DPP6: variants seen among roughly 807,000 people sequenced by gnomAD.
The protein encoded by DPP6 is A-type potassium channel modulatory protein DPP6.
A neutral mutation model predicts 122.6 loss-of-function variants in DPP6; 69 were observed. The ratio of observed to expected loss-of-function variants is 0.56; its 90% confidence interval spans 0.46 to 0.69. The LOEUF is 0.69. Among genes scored for constraint, DPP6 ranks in the 30% least tolerant of loss-of-function variants. DPP6 has a pLI of 0.00. For missense variants in DPP6, 928 were observed against 1,116.9 expected, an observed-to-expected ratio of 0.83 and a Z score of 2.41; for synonymous variants, 418 against 433.1, an observed-to-expected ratio of 0.97 and a Z score of 0.43.
intron 1 of DPP6, among the ~76,000 whole-genome samples, chr7:154,397,054 A>G (rs1019792816): frequency 2.0e-5 from 3 of 151,990 alleles, no homozygotes; most frequent in African/African-American, 7.2e-5. Context: ...CTAATGAAAT[A>G]GATTATTTTA....
At chr7:153,962,806 C>G (rs911131781) in intron 1 of DPP6, among the ~76,000 whole-genome samples, 15 of 152,210 alleles carry the variant, frequency 9.9e-5, no homozygotes, top group African/African-American at 3.1e-4. Flanking sequence ...CACAAATACT[C>G]TACATTTTAG....
intron 18 of DPP6, among the ~76,000 whole-genome samples, chr7:154,869,462 G>A (rs2140895): frequency 0.077 from 11,727 of 152,294 alleles, 1,476 homozygotes; most frequent in African/African-American, 0.26. Flanking sequence ...GAATGCTCAC[G>A]GAACGTGGGA....
At chr7:153,976,606 GTGAAAGTCAAAGATCTGATGT>G (rs1796318287) in intron 1 of DPP6, among the ~76,000 whole-genome samples, 2 of 152,244 alleles carry the variant, frequency 1.3e-5, no homozygotes, top group African/African-American at 2.4e-5. Flanking sequence ...TAGTGTTATA[GTGAAAGTCAAAGATCTGATGT>G]TGAATCAGGT....
intron 1 of DPP6, among the ~76,000 whole-genome samples, chr7:154,085,546 G>C (rs1314629111): frequency 1.3e-5 from 2 of 152,140 alleles, no homozygotes; most frequent in Admixed American, 6.5e-5. Flanking sequence ...TAAGTTCTTT[G>C]TTGTACTCCT....
rs569269498 is a variant in DPP6, at chr7:154,514,181, C to T, written c.458-26351C>T. 3.7e-4 allele frequency among the ~76,000 whole-genome samples: 57 copies of T among 152,122 alleles called. 2 individuals are homozygous for T. The South Asian group carries it at 0.01, about 28-fold the overall frequency. On this transcript the variant is annotated intron_variant, in intron 3 of 25. Coordinates refer to ENST00000377770, the MANE Select transcript of DPP6 (RefSeq NM_130797.4). The stretch of plus-strand genomic sequence containing the variant: ...ATCCTAGCTGCTTGGGAGGCTGAGG[C>T]AGGAAAATCCCTTGAACCCGGGAGG...
intron 1 of DPP6, among the ~76,000 whole-genome samples, chr7:154,010,403 A>G (rs1291391545): frequency 1.3e-5 from 2 of 152,256 alleles, no homozygotes; most frequent in Non-Finnish European, 2.9e-5. Context: ...ACCACTATTC[A>G]GTTGTCATCT....
At chr7:154,475,157 A>G (rs755074885) in intron 3 of DPP6, 120 bp downstream of exon 3, 242 of 762,320 alleles carry the variant, frequency 3.2e-4, no homozygotes, top group Non-Finnish European at 5.0e-4. Context: ...AAGGGGATCT[A>G]CAGAGCTTTT....
the DPP6 span, among the ~76,000 whole-genome samples, chr7:153,748,880 G>C: frequency 2.0e-5 from 3 of 147,200 alleles, no homozygotes; most frequent in Non-Finnish European, 4.5e-5. Context: ...GCGCACCTCT[G>C]TCGCCACCCT....
chr7:154,062,859 C>A lies in DPP6; in HGVS notation c.243+9796C>A, dbSNP rs1296968480. On this transcript the variant is annotated intron_variant, in intron 1 of 25. Transcript: ENST00000377770. ...CGGGGACTGCGAGCCAGACCCTCTT[C>A]CTCCCCCAGCTTAGGACCCCCATCG... Among the ~76,000 whole-genome samples the A allele has an allele frequency of 5.3e-5, 7 of 133,154 alleles. 2 individuals carry two copies. The highest frequency in any genetic ancestry group is 1.9e-4 in the African/African-American group (7 of 36,598). 87.4% of individuals were successfully genotyped at this position (133,154 alleles called of 152,430 possible).
chr7:154,161,330 C>T (rs1191529081), intron 1 of DPP6, among the ~76,000 whole-genome samples: 3 of 152,168 alleles, frequency 2.0e-5, no homozygotes, highest in Non-Finnish European at 4.4e-5. Flanking sequence ...AACCCTGTCT[C>T]TACTAAAAAT....
intron 1 of DPP6, among the ~76,000 whole-genome samples, chr7:154,362,970 GA>G (rs1204990547): frequency 6.6e-6 from 1 of 152,186 alleles, no homozygotes; most frequent in Non-Finnish European, 1.5e-5. Context: ...CCGTGCACAT[GA>G]AGGTTGGATT....
At chr7:154,185,217 A>T (rs1433564486) in intron 1 of DPP6, among the ~76,000 whole-genome samples, 4 of 152,194 alleles carry the variant, frequency 2.6e-5, no homozygotes, top group Non-Finnish European at 5.9e-5. Flanking sequence ...ATCCTGTGTA[A>T]TGAGAAGATC....
At chr7:153,888,066 C>T (rs947689765) in intron 1 of DPP6, among the ~76,000 whole-genome samples, 1 of 152,184 alleles carries the variant, frequency 6.6e-6, no homozygotes, top group Non-Finnish European at 1.5e-5. Flanking sequence ...AAGCAGACCC[C>T]CAGGGCTCTT....
chr7:154,574,445 TGTG>T (rs1268061590), intron 5 of DPP6, among the ~76,000 whole-genome samples: 2,916 of 135,948 alleles, frequency 0.021, 56 homozygotes, highest in South Asian at 0.088. Flanking sequence ...TGTGTATGTG[TGTG>T]GTGTGTGTGT....
At chr7:154,533,348 A>C (rs1247978711) in intron 3 of DPP6, among the ~76,000 whole-genome samples, 1 of 152,202 alleles carries the variant, frequency 6.6e-6, no homozygotes, top group Non-Finnish European at 1.5e-5. Context: ...GACATGGACA[A>C]ATCATCAAAT....
At chr7:154,770,870 C>T (rs1289565587) in intron 9 of DPP6, among the ~76,000 whole-genome samples, 1 of 152,208 alleles carries the variant, frequency 6.6e-6, no homozygotes, top group Admixed American at 6.5e-5. Flanking sequence ...AGCCAGTGCC[C>T]GAGTATGGAC....
At chr7:154,848,571 T>C (rs1289383700) in intron 16 of DPP6, among the ~76,000 whole-genome samples, 6 of 152,374 alleles carry the variant, frequency 3.9e-5, no homozygotes, top group Admixed American at 1.3e-4. Context: ...TAGCCCCTTA[T>C]GTGATATATG....
chr7:154,434,502 T>G (rs1818700928), intron 1 of DPP6, among the ~76,000 whole-genome samples: 1 of 152,116 alleles, frequency 6.6e-6, no homozygotes, highest in Admixed American at 6.5e-5. Context: ...CCCACTCTCC[T>G]GCATCTGACG....
At chr7:154,018,615 G>A (rs1798544082) in intron 1 of DPP6, among the ~76,000 whole-genome samples, 1 of 152,228 alleles carries the variant, frequency 6.6e-6, no homozygotes, top group Admixed American at 6.5e-5. Context: ...TTACATAGGA[G>A]AGCCTTTCAG....
Sources: allele counts gnomAD v4.1 joint callset (sites outside exome capture counted in the v4.1 genomes callset), GRCh38; gene constraint gnomAD v4.1.1; transcripts MANE v1.5; gene names NCBI Gene and HGNC (gene_info 2026-07-23, HGNC 2026-07-21).